Variants in ICA1 observed in about 807,000 individuals in gnomAD.
ICA1 encodes the protein islet cell autoantigen 1, also known as 69 kDa islet cell autoantigen.
A neutral mutation model predicts 71.0 loss-of-function variants in ICA1; 40 were observed. The observed-to-expected ratio is 0.56, with a 90% CI of 0.44 to 0.73. The LOEUF is 0.73. Ranked by LOEUF, ICA1 falls within the 30% of genes least tolerant of loss-of-function variation. The pLI, the probability that ICA1 is intolerant of heterozygous loss-of-function variation, is 0.00. For synonymous variants in ICA1, 207 were observed against 209.5 expected (o/e 0.99, Z 0.10); for missense variants, 578 against 576.5 (o/e 1.00, Z -0.03).
intron 6 of ICA1, 89 bp downstream of exon 6, chr7:8,218,216 G>T: frequency 8.7e-7 from 1 of 1,144,606 alleles, no homozygotes; most frequent in Non-Finnish European, 1.3e-6. Context: ...GTGCTTTTGA[G>T]TTATGTCTTC....
At chr7:8,170,632 A>G (rs1401962061) in intron 6 of ICA1, among the ~76,000 whole-genome samples, 1 of 151,978 alleles carries the variant, frequency 6.6e-6, no homozygotes, top group Non-Finnish European at 1.5e-5. Context: ...CATTACTAGA[A>G]ATATAATTAA....
chr7:8,260,707 T>G (rs1670334617), intron 1 of ICA1, among the ~76,000 whole-genome samples: 1 of 152,232 alleles, frequency 6.6e-6, no homozygotes, highest in Non-Finnish European at 1.5e-5. Flanking sequence ...TGGTATTCTC[T>G]ACAAAGGGTG....
At chr7:8,182,974 GGGGAC>G (rs1782679541) in intron 6 of ICA1, among the ~76,000 whole-genome samples, 1 of 152,168 alleles carries the variant, frequency 6.6e-6, no homozygotes, top group Admixed American at 6.5e-5. Context: ...AGCATGTACA[GGGGAC>G]ATGCAATGAC....
At chr7:8,248,841 C>T (rs1807081966) in intron 1 of ICA1, among the ~76,000 whole-genome samples, 1 of 152,188 alleles carries the variant, frequency 6.6e-6, no homozygotes, top group Non-Finnish European at 1.5e-5. Flanking sequence ...CATTCCTAAA[C>T]ACCAGCTTCA....
chr7:8,201,137 C>T (rs3757519), intron 6 of ICA1, among the ~76,000 whole-genome samples: 73,608 of 152,102 alleles, frequency 0.48, 21,951 homozygotes, highest in South Asian at 0.75. Flanking sequence ...TGCCTGACCT[C>T]CTCCATTGCC....
intron 1 of ICA1, among the ~76,000 whole-genome samples, chr7:8,252,318 C>T (rs975098169): frequency 5.3e-5 from 8 of 152,144 alleles, no homozygotes; most frequent in African/African-American, 1.2e-4. Context: ...CTACGCCCTT[C>T]GATGTCAGCA....
intron 6 of ICA1, among the ~76,000 whole-genome samples, chr7:8,184,074 A>G (rs1783117854): frequency 6.6e-6 from 1 of 152,244 alleles, no homozygotes; most frequent in Non-Finnish European, 1.5e-5. Context: ...AAATAAAAAG[A>G]GCTAGTTAAT....
Position 8,226,927 on chromosome 7 carries a change from G to A in ICA1, c.256+1674C>T, listed in dbSNP as rs3807817. On this transcript the variant is annotated intron_variant, in intron 4 of 13. Transcript: ENST00000402384. This position sits in a 1 kb window ranked among gnomAD's most constrained non-coding sequence, Gnocchi z 4.4. ...CTTTTAGAAACACTAATATACGTAG[G>A]AAGCATAATTTCTGTTTAGAGAATC... Among the ~76,000 whole-genome samples, 27,092 of 152,048 alleles carry A rather than the reference G, an allele frequency of 0.18. 6,333 individuals carry two copies. Among genetic ancestry groups the A allele is most frequent in the African/African-American group, 0.54 (22,415 of 41,396 alleles).
intron 4 of ICA1, among the ~76,000 whole-genome samples, chr7:8,225,085 G>A (rs118055806): frequency 0.014 from 2,097 of 152,148 alleles, 14 homozygotes; most frequent in Middle Eastern, 0.024. Context: ...ACAGATCTTC[G>A]GGGGAATACA....
chr7:8,235,222 T>G (rs550376325), intron 2 of ICA1, among the ~76,000 whole-genome samples: 40 of 152,320 alleles, frequency 2.6e-4, no homozygotes, highest in Non-Finnish European at 1.5e-5. Flanking sequence ...GTAACACATT[T>G]GTTTTTCATG....
chr7:8,149,038 T>C (rs991924820), intron 8 of ICA1, among the ~76,000 whole-genome samples: 7 of 152,176 alleles, frequency 4.6e-5, no homozygotes, highest in Middle Eastern at 3.2e-3. Context: ...CTTAACCCTA[T>C]AGAACGCATA....
At position 8,157,187 on chromosome 7, in the gene ICA1, T is replaced by C. The variant is rs1801920543; in HGVS notation, c.733A>G (p.Thr245Ala). The change falls in exon 8 of 14, where the codon ACT becomes GCT. Residue 245 changes from threonine (T) to alanine (A), a missense_variant. Coordinates refer to ENST00000402384, the MANE Select transcript of ICA1 (RefSeq NM_001136020.3). The stretch of plus-strand genomic sequence containing the variant: ...TGGATGGCTGCCATAGTGTGAGAAG[T>C]TTTCTCCCAAAAATGAAGCAGAGTG... ...QTTLLHFWEK[T>A]SHTMAAIHES... 4 of 1,605,004 alleles carry C rather than the reference T, an allele frequency of 2.5e-6. No homozygotes were observed. In the East Asian group the frequency reaches 6.7e-5, roughly 27 times the overall value.
intron 7 of ICA1, 171 bp from the exon 8 acceptor site, chr7:8,157,385 A>C: frequency 1.5e-6 from 1 of 648,100 alleles, no homozygotes; most frequent in South Asian, 2.5e-5. Context: ...AGCCAAACTA[A>C]ATGCCTCCCT....
chr7:8,252,406 T>C (rs1428823562), intron 1 of ICA1, among the ~76,000 whole-genome samples: 1 of 152,172 alleles, frequency 6.6e-6, no homozygotes, highest in Non-Finnish European at 1.5e-5. Flanking sequence ...TGGAAGGCTC[T>C]TACAAATCTT....
At chr7:8,217,341 CGTA>C (rs1795711970) in intron 6 of ICA1, among the ~76,000 whole-genome samples, 1 of 152,118 alleles carries the variant, frequency 6.6e-6, no homozygotes, top group Admixed American at 6.6e-5. Context: ...AATTGGTGAC[CGTA>C]TTCTTAAGGA....
chr7:8,176,440 G>A (rs1226806923), intron 6 of ICA1, among the ~76,000 whole-genome samples: 1 of 152,204 alleles, frequency 6.6e-6, no homozygotes, highest in African/African-American at 2.4e-5. Flanking sequence ...GCACTTTGCA[G>A]ACGCCCTTAT....
chr7:8,209,333 T>A (rs528322451), intron 6 of ICA1, among the ~76,000 whole-genome samples: 1 of 152,220 alleles, frequency 6.6e-6, no homozygotes, highest in African/African-American at 2.4e-5. Context: ...ACATGCTTAA[T>A]TTTAAAAAAA....
At chr7:8,232,199 T>C (rs1016337067) in intron 3 of ICA1, among the ~76,000 whole-genome samples, 1 of 152,210 alleles carries the variant, frequency 6.6e-6, no homozygotes, top group African/African-American at 2.4e-5. Flanking sequence ...CAAAACTTAT[T>C]AGACTCTACT....
chr7:8,147,825 T>G (rs1797558242), intron 8 of ICA1, among the ~76,000 whole-genome samples: 1 of 152,104 alleles, frequency 6.6e-6, no homozygotes, highest in Non-Finnish European at 1.5e-5. Flanking sequence ...TAATGTCATT[T>G]TGTTATAATG....
Sources: gnomAD v4.1 joint callset for allele counts (sites outside exome capture counted in the v4.1 genomes callset) on GRCh38, gnomAD v4.1.1 for gene constraint, Gnocchi (gnomAD v3.1) non-coding constraint, MANE v1.5 for transcripts, NCBI Gene and HGNC (gene_info 2026-07-23, HGNC 2026-07-21) for gene names.